Variants in KCNIP4 observed in about 807,000 individuals in gnomAD.
The protein encoded by KCNIP4 is potassium voltage-gated channel interacting protein 4.
In KCNIP4, 12 loss-of-function variants were observed where a neutral mutation model predicts 34.0. The ratio of observed to expected loss-of-function variants is 0.35; its 90% CI spans 0.23 to 0.57. The LOEUF is 0.57. KCNIP4 is among the 20% of genes least tolerant of loss of function. The pLI is 0.83. For missense variants in KCNIP4, 238 were observed against 311.7 expected (o/e 0.76, Z 1.78); for synonymous variants, 124 against 102.2 (o/e 1.21, Z -1.29).
rs548614528 is a variant in KCNIP4, at chr4:20,834,401, C to G, written c.288+16142G>C. ...TAAGCCAGACAGCAGCAACTCTGCCCTCATTTACCTCCCATCTCAGAAAAC... is the reference window on the plus strand; with the variant it reads ...TAAGCCAGACAGCAGCAACTCTGCCGTCATTTACCTCCCATCTCAGAAAAC... On this transcript the variant is annotated intron_variant, in intron 3 of 8. Coordinates refer to ENST00000382152, the MANE Select transcript of KCNIP4 (RefSeq NM_025221.6). 1.3e-4 allele frequency among the ~76,000 whole-genome samples: 20 copies of G among 152,254 alleles called. No homozygotes were observed. In the South Asian group the frequency reaches 4.2e-3, roughly 32 times the overall value.
chr4:20,789,757 C>T (rs760425627), intron 3 of KCNIP4, among the ~76,000 whole-genome samples: 6 of 150,980 alleles, frequency 4.0e-5, no homozygotes, highest in Non-Finnish European at 8.8e-5. Context: ...GAGACATCAT[C>T]CTAGATCATC....
At chr4:20,976,346 A>G (rs192187874) in intron 1 of KCNIP4, among the ~76,000 whole-genome samples, 410 of 152,352 alleles carry the variant, frequency 2.7e-3, no homozygotes, top group Non-Finnish European at 3.9e-3. Flanking sequence ...GTCAAACTCA[A>G]GAAACTGGAA....
At chr4:21,365,675 C>G (rs760565485) in intron 1 of KCNIP4, among the ~76,000 whole-genome samples, 20 of 152,152 alleles carry the variant, frequency 1.3e-4, no homozygotes, top group Middle Eastern at 3.4e-3. Flanking sequence ...CACCCAATAG[C>G]TATTTATTCT....
chr4:21,365,586 A>T lies in KCNIP4; in HGVS notation c.62-482877T>A, dbSNP rs148357880. Reference sequence around the variant, plus strand: ...TTCAAATCTTTCCTGTACCTAAAACAGTTGTATTTTTCCATCATATTTACA... The same window carrying T: ...TTCAAATCTTTCCTGTACCTAAAACTGTTGTATTTTTCCATCATATTTACA... On this transcript the variant is annotated intron_variant, in intron 1 of 8. Coordinates refer to ENST00000382152, the MANE Select transcript of KCNIP4 (RefSeq NM_025221.6). Among the ~76,000 whole-genome samples, 210 of 152,032 alleles carry T rather than the reference A, an allele frequency of 1.4e-3. 1 individual carries two copies. Among genetic ancestry groups the T allele is most frequent in the African/African-American group, 4.9e-3 (203 of 41,532 alleles).
intron 3 of KCNIP4, among the ~76,000 whole-genome samples, chr4:20,819,456 A>AG (rs749055725): frequency 6.6e-6 from 1 of 152,178 alleles, no homozygotes; most frequent in Non-Finnish European, 1.5e-5. Context: ...ATGGTCTGGT[A>AG]GGCTAGGGGT....
intron 1 of KCNIP4, among the ~76,000 whole-genome samples, chr4:21,048,893 G>C (rs1251036025): frequency 1.3e-5 from 2 of 150,870 alleles, no homozygotes; most frequent in Non-Finnish European, 3.0e-5. Flanking sequence ...TGGAGAGAGA[G>C]AGAGAGAGAG....
In KCNIP4 at chr4:20,882,663, C is replaced by T; in HGVS notation, c.108G>A (p.Arg36=). The change falls in exon 2 of 9, where the codon CGG becomes CGA. Residue 36 remains arginine (R), a synonymous_variant. Transcript: ENST00000382152. ...CTGAGCAGGGCAAGAGCTTCATGAG[C>T]CGCTCTTTAATGCTGCGCTTGGTGC... The part of the protein sequence containing the change: ...QNSTKRSIKE[R]LMKLLPCSAA... 1 of 1,613,264 alleles carries T rather than the reference C, an allele frequency of 6.2e-7. No homozygotes were observed. The highest frequency in any genetic ancestry group is 8.5e-7 in the Non-Finnish European group (1 of 1,179,808).
chr4:21,537,325 G>A (rs1387025998), intron 1 of KCNIP4, among the ~76,000 whole-genome samples: 1 of 152,154 alleles, frequency 6.6e-6, no homozygotes, highest in African/African-American at 2.4e-5. Context: ...TAAAACTGCT[G>A]CTTATGGATA....
intron 3 of KCNIP4, among the ~76,000 whole-genome samples, chr4:20,782,529 G>A (rs1459161421): frequency 6.6e-6 from 1 of 152,154 alleles, no homozygotes; most frequent in African/African-American, 2.4e-5. Flanking sequence ...ACACCACATG[G>A]AAGCTGCCAG....
At chr4:21,349,298 A>G (rs1370199363) in intron 1 of KCNIP4, among the ~76,000 whole-genome samples, 2 of 152,142 alleles carry the variant, frequency 1.3e-5, no homozygotes, top group Non-Finnish European at 1.5e-5. Context: ...CTTCCAACCT[A>G]TATTGAGTGC....
intron 1 of KCNIP4, among the ~76,000 whole-genome samples, chr4:21,148,737 G>C (rs897230355): frequency 6.7e-6 from 1 of 150,140 alleles, no homozygotes; most frequent in African/African-American, 2.4e-5. Flanking sequence ...CAAGTAAAGT[G>C]ACAAATCACA....
intron 1 of KCNIP4, among the ~76,000 whole-genome samples, chr4:21,433,243 T>C (rs1401239589): frequency 1.3e-5 from 2 of 152,216 alleles, no homozygotes; most frequent in Non-Finnish European, 2.9e-5. Flanking sequence ...TGTTATGATT[T>C]AGTGATCAGC....
At chr4:20,889,298 G>T (rs1725660528) in intron 1 of KCNIP4, among the ~76,000 whole-genome samples, 1 of 152,064 alleles carries the variant, frequency 6.6e-6, no homozygotes, top group Non-Finnish European at 1.5e-5. Context: ...TTATTTGGAT[G>T]GTTTCTATAA....
intron 1 of KCNIP4, chr4:21,844,141 T>A (rs112316502): frequency 6.6e-6 from 1 of 152,046 alleles, no homozygotes; most frequent in South Asian, 2.1e-4. Flanking sequence ...GAATCATGCA[T>A]TGAAGAAACT....
At chr4:20,882,841 G>A in intron 1 of KCNIP4, 132 bp from the exon 2 acceptor site, 1 of 564,892 alleles carries the variant, frequency 1.8e-6, no homozygotes. Flanking sequence ...ACAGGCAGTG[G>A]GTTGGGACCC....
chr4:21,664,734 C>T (rs1234343791), intron 1 of KCNIP4, among the ~76,000 whole-genome samples: 1 of 152,074 alleles, frequency 6.6e-6, no homozygotes, highest in Non-Finnish European at 1.5e-5. Flanking sequence ...AATATAATTC[C>T]TGTTCCTTCA....
chr4:20,864,849 T>C (rs1281617202), intron 2 of KCNIP4, among the ~76,000 whole-genome samples: 1 of 152,110 alleles, frequency 6.6e-6, no homozygotes, highest in Non-Finnish European at 1.5e-5. Flanking sequence ...TCTTTTTCAT[T>C]CCTACTGCAG....
At chr4:20,740,052 T>C (rs1190316806) in intron 5 of KCNIP4, among the ~76,000 whole-genome samples, 3 of 149,356 alleles carry the variant, frequency 2.0e-5, no homozygotes, top group Admixed American at 6.7e-5. Context: ...GAAAAATGAG[T>C]TAAACAAAGC....
chr4:20,849,164 G>A (rs1393091803), intron 3 of KCNIP4, among the ~76,000 whole-genome samples: 1 of 152,076 alleles, frequency 6.6e-6, no homozygotes, highest in Non-Finnish European at 1.5e-5. Flanking sequence ...CCTTTAATCA[G>A]TGGTCTGTGT....
Sources: gnomAD v4.1 joint callset for allele counts (sites outside exome capture counted in the v4.1 genomes callset) on GRCh38, gnomAD v4.1.1 for gene constraint, MANE v1.5 for transcripts, NCBI Gene and HGNC (gene_info 2026-07-23, HGNC 2026-07-21) for gene names.